The following FBXL20 variants were observed in gnomAD, a reference collection of about 807,000 sequenced individuals.
FBXL20 encodes the protein F-box and leucine rich repeat protein 20, also known as F-box/LRR-repeat protein 20.
A neutral mutation model predicts 64.0 loss-of-function variants in FBXL20; 11 were observed. The ratio of observed to expected loss-of-function variants is 0.17; its 90% confidence interval spans 0.11 to 0.28. The LOEUF (loss-of-function observed/expected upper bound fraction) is 0.28. Among genes scored for constraint, FBXL20 ranks in the 10% least tolerant of loss-of-function variants. FBXL20 has a pLI of 1.00. For missense variants in FBXL20, 303 were observed against 526.2 expected (o/e 0.58, Z 4.15); for synonymous variants, 184 against 189.0 (o/e 0.97, Z 0.22).
intron 1 of FBXL20, among the ~76,000 whole-genome samples, chr17:39,377,421 GTAATAA>G (rs1158237310): frequency 2.0e-5 from 3 of 152,090 alleles, no homozygotes; most frequent in Admixed American, 6.6e-5. Context: ...ACTGATTTGA[GTAATAA>G]TAAAACTCCC....
chr17:39,303,745 GGCATAATCACT>G (rs957500787), intron 2 of FBXL20, 106 bp from the exon 3 acceptor site: 5 of 995,928 alleles, frequency 5.0e-6, no homozygotes, highest in African/African-American at 1.6e-5. Context: ...GGAGAGCAGT[GGCATAATCACT>G]GCTCGCCCCA....
chr17:39,270,759 T>C (rs768515329), intron 11 of FBXL20, 37 bp downstream of exon 11: 180 of 1,548,878 alleles, frequency 1.2e-4, no homozygotes, highest in Middle Eastern at 5.1e-4. Flanking sequence ...ATAAAACCTA[T>C]GGAAACAAAC....
intron 2 of FBXL20, among the ~76,000 whole-genome samples, chr17:39,329,952 TCACCTG>T (rs2047444682): frequency 6.6e-6 from 1 of 152,018 alleles, no homozygotes; most frequent in African/African-American, 2.4e-5. Context: ...TATGATTGTG[TCACCTG>T]CACTCCAACC....
intron 1 of FBXL20, among the ~76,000 whole-genome samples, chr17:39,362,645 G>C (rs2047809495): frequency 7.3e-6 from 1 of 137,176 alleles, no homozygotes; most frequent in African/African-American, 2.8e-5. Flanking sequence ...CTGAGACAGA[G>C]TCTCGCTCTG....
intron 1 of FBXL20, among the ~76,000 whole-genome samples, chr17:39,376,299 G>A (rs1413157236): frequency 6.6e-6 from 1 of 152,052 alleles, no homozygotes; most frequent in Non-Finnish European, 1.5e-5. Flanking sequence ...GCTAAAGTAG[G>A]TACCCTGCAT....
At chr17:39,369,333 T>C (rs113936907) in intron 1 of FBXL20, among the ~76,000 whole-genome samples, 6 of 148,030 alleles carry the variant, frequency 4.1e-5, no homozygotes, top group African/African-American at 7.5e-5. Flanking sequence ...TCTTGGCTCA[T>C]TGCAAACTCC....
intron 9 of FBXL20, among the ~76,000 whole-genome samples, chr17:39,276,768 C>T (rs602282): frequency 0.61 from 92,518 of 151,958 alleles, 31,788 homozygotes; most frequent in South Asian, 0.89. Flanking sequence ...ATTTGTTGCA[C>T]AATAAGCCAC....
At chr17:39,391,392 A>T (rs1221046680) in intron 1 of FBXL20, among the ~76,000 whole-genome samples, 1 of 152,188 alleles carries the variant, frequency 6.6e-6, no homozygotes, top group Non-Finnish European at 1.5e-5. Context: ...CACTGGCAAT[A>T]AACTGACTAT....
rs1384253092 is a variant in FBXL20, at chr17:39,329,585, T to G, written c.104+13595A>C. On this transcript the variant is annotated intron_variant, in intron 2 of 14. Transcript: ENST00000264658. ...ACTGTACTGTGGTGTTTTGTATCTA[T>G]CTATCTATCTTAGATATATATGTAT... is the stretch of plus-strand genomic sequence containing the variant. Among the ~76,000 whole-genome samples, 6 of 152,342 alleles carry G rather than the reference T, an allele frequency of 3.9e-5. No homozygotes were observed. In the South Asian group the frequency reaches 8.3e-4, roughly 21 times the overall value.
At chr17:39,348,408 C>T (rs533863878) in intron 1 of FBXL20, among the ~76,000 whole-genome samples, 6 of 151,726 alleles carry the variant, frequency 4.0e-5, no homozygotes, top group African/African-American at 1.2e-4. Flanking sequence ...TGCAGTGAGC[C>T]GAGATCATGC....
At chr17:39,338,046 G>C (rs920200738) in intron 2 of FBXL20, among the ~76,000 whole-genome samples, 1 of 152,208 alleles carries the variant, frequency 6.6e-6, no homozygotes, top group Non-Finnish European at 1.5e-5. Context: ...GTACCCAACA[G>C]CTCATTGAGA....
intron 1 of FBXL20, among the ~76,000 whole-genome samples, chr17:39,384,549 A>G (rs918022619): frequency 1.3e-5 from 2 of 151,668 alleles, no homozygotes; most frequent in Non-Finnish European, 2.9e-5. Flanking sequence ...ATAAAATATA[A>G]TAAAATTTAT....
chr17:39,272,039 A>T (rs749656219), intron 10 of FBXL20, among the ~76,000 whole-genome samples: 1 of 152,142 alleles, frequency 6.6e-6, no homozygotes, highest in Non-Finnish European at 1.5e-5. Flanking sequence ...ACTTGAGCTC[A>T]GGAGTTCAAG....
At chr17:39,342,182 G>C (rs562554449) in intron 2 of FBXL20, among the ~76,000 whole-genome samples, 5 of 152,234 alleles carry the variant, frequency 3.3e-5, no homozygotes, top group African/African-American at 1.2e-4. Flanking sequence ...AAGAACTCTA[G>C]AAGTAATAAA....
intron 1 of FBXL20, among the ~76,000 whole-genome samples, chr17:39,377,165 G>C (rs998815282): frequency 6.6e-6 from 1 of 152,120 alleles, no homozygotes; most frequent in Non-Finnish European, 1.5e-5. Context: ...CTGCTCCTAA[G>C]ATCAGTGCTT....
intron 2 of FBXL20, among the ~76,000 whole-genome samples, chr17:39,307,027 G>A (rs904023926): frequency 5.3e-5 from 8 of 152,236 alleles, no homozygotes; most frequent in East Asian, 1.9e-4. Flanking sequence ...AAGGAGAACC[G>A]GATAGGTGGA....
chr17:39,385,747 G>C (rs1302384838), intron 1 of FBXL20, among the ~76,000 whole-genome samples: 1 of 152,104 alleles, frequency 6.6e-6, no homozygotes, highest in East Asian at 1.9e-4. Context: ...ATTTTGATTA[G>C]GCAGCCAGGC....
intron 6 of FBXL20, among the ~76,000 whole-genome samples, chr17:39,287,972 T>C (rs1440485147): frequency 8.0e-5 from 12 of 149,684 alleles, no homozygotes; most frequent in Non-Finnish European, 1.5e-4. Context: ...TGAAAACTTT[T>C]TTTTTTTTTT....
At chr17:39,268,758 C>T in intron 12 of FBXL20, 69 bp downstream of exon 12, 1 of 1,354,308 alleles carries the variant, frequency 7.4e-7, no homozygotes, top group Non-Finnish European at 1.0e-6. Context: ...GGGAATTGCA[C>T]ATTCTGATGT....
Sources: gnomAD v4.1 joint callset for allele counts (sites outside exome capture counted in the v4.1 genomes callset) on GRCh38, gnomAD v4.1.1 for gene constraint, MANE v1.5 for transcripts, NCBI Gene and HGNC (gene_info 2026-07-23, HGNC 2026-07-21) for gene names.